Variants in TASP1 observed in about 807,000 individuals in gnomAD.
TASP1 encodes the protein taspase 1, also known as threonine aspartase 1.
Under a neutral mutation model 56.6 loss-of-function variants are expected in TASP1, and 16 were observed. The observed-to-expected ratio is 0.28, with a 90% CI of 0.19 to 0.43. The LOEUF is 0.43. TASP1 is among the 20% of genes least tolerant of loss of function. The pLI, the probability that TASP1 is intolerant of heterozygous loss-of-function variation, is 1.00. For synonymous variants in TASP1, 179 were observed against 184.2 expected (o/e 0.97, Z 0.23); for missense variants, 393 against 511.6 (o/e 0.77, Z 2.24).
chr20:13,365,170 AG>A, the TASP1 span, among the ~76,000 whole-genome samples: 1 of 152,196 alleles, frequency 6.6e-6, no homozygotes, highest in African/African-American at 2.4e-5. Context: ...TTCAAATTCA[AG>A]TTTCTTATTT....
At chr20:13,212,399 G>T in the TASP1 span, among the ~76,000 whole-genome samples, 1 of 152,144 alleles carries the variant, frequency 6.6e-6, no homozygotes, top group Admixed American at 6.6e-5. Context: ...GCTTTGGAGG[G>T]ATTGTTTGTT....
At chr20:13,188,342 G>C in the TASP1 span, among the ~76,000 whole-genome samples, 1 of 152,122 alleles carries the variant, frequency 6.6e-6, no homozygotes, top group Non-Finnish European at 1.5e-5. Flanking sequence ...ATTGAGTAAA[G>C]TTGCAGGATA....
At chr20:13,207,979 A>G in the TASP1 span, among the ~76,000 whole-genome samples, 1 of 148,248 alleles carries the variant, frequency 6.7e-6, no homozygotes, top group South Asian at 2.1e-4. Flanking sequence ...TCTTGAAGGG[A>G]AAAAAAAAAT....
chr20:13,381,276 A>G, the TASP1 span, among the ~76,000 whole-genome samples: 16 of 152,280 alleles, frequency 1.1e-4, no homozygotes, highest in South Asian at 3.1e-3. Context: ...TCTGAGCCAG[A>G]ATGCACCATC....
the TASP1 span, among the ~76,000 whole-genome samples, chr20:13,200,556 A>G: frequency 1.3e-5 from 2 of 152,350 alleles, no homozygotes; most frequent in South Asian, 4.1e-4. Flanking sequence ...GGAATGTGAT[A>G]TCTGTGGTTG....
intron 10 of TASP1, among the ~76,000 whole-genome samples, chr20:13,499,123 G>A (rs1274869489): frequency 6.6e-5 from 10 of 152,058 alleles, no homozygotes; most frequent in East Asian, 1.9e-4. Context: ...TGGAAAATAC[G>A]TAAATATAAA....
chr20:13,311,409 T>A, the TASP1 span, among the ~76,000 whole-genome samples: 4 of 152,166 alleles, frequency 2.6e-5, no homozygotes, highest in Non-Finnish European at 4.4e-5. Context: ...AGAACTACCA[T>A]GTAATCTAGC....
chr20:13,121,590 C>T, the TASP1 span, among the ~76,000 whole-genome samples: 61,959 of 151,870 alleles, frequency 0.41, 12,657 homozygotes, highest in Admixed American at 0.43. Flanking sequence ...CTCTAACCCA[C>T]CCTGAAGAAG....
At chr20:13,317,935 G>A in the TASP1 span, among the ~76,000 whole-genome samples, 5 of 151,532 alleles carry the variant, frequency 3.3e-5, no homozygotes, top group Admixed American at 6.6e-5. Context: ...AAAAAAAAGT[G>A]TTGGTAAGCT....
At chr20:13,287,237 G>A in the TASP1 span, among the ~76,000 whole-genome samples, 1 of 152,184 alleles carries the variant, frequency 6.6e-6, no homozygotes, top group Non-Finnish European at 1.5e-5. Context: ...CAATCATGGT[G>A]GAAGGCAAAG....
chr20:13,164,061 C>G, the TASP1 span, among the ~76,000 whole-genome samples: 4 of 152,112 alleles, frequency 2.6e-5, no homozygotes, highest in African/African-American at 7.2e-5. Flanking sequence ...CCACTCCCCC[C>G]ATCCCACAAC....
chr20:13,453,842 G>A (rs1259141719), intron 11 of TASP1, among the ~76,000 whole-genome samples: 1 of 152,012 alleles, frequency 6.6e-6, no homozygotes, highest in Non-Finnish European at 1.5e-5. Flanking sequence ...TCCCACGGAG[G>A]AAACAAACAA....
chr20:13,311,361 T>C, the TASP1 span, among the ~76,000 whole-genome samples: 7 of 152,168 alleles, frequency 4.6e-5, no homozygotes, highest in African/African-American at 1.7e-4. Context: ...ACAGCCATTA[T>C]GGGAAACAGC....
chr20:13,524,819 G>T (rs538502592), intron 10 of TASP1, among the ~76,000 whole-genome samples: 1 of 152,148 alleles, frequency 6.6e-6, no homozygotes, highest in East Asian at 1.9e-4. Flanking sequence ...CAAGCGGTTC[G>T]CATGTGTTGA....
At chr20:13,186,071 T>A in the TASP1 span, among the ~76,000 whole-genome samples, 3 of 152,216 alleles carry the variant, frequency 2.0e-5, 1 homozygote, top group Non-Finnish European at 1.5e-5. Flanking sequence ...CAAATAGTAA[T>A]TTTGGTGAAT....
the TASP1 span, chr20:13,288,676 C>A: frequency 6.2e-7 from 1 of 1,613,596 alleles, no homozygotes; most frequent in Non-Finnish European, 8.5e-7. Flanking sequence ...ACCGTCCAAA[C>A]TGCCCAGGTG....
the TASP1 span, among the ~76,000 whole-genome samples, chr20:13,112,120 T>C: frequency 7.2e-5 from 11 of 152,316 alleles, no homozygotes; most frequent in Admixed American, 2.6e-4. Context: ...CAATGATTTA[T>C]TATTTCCCAC....
intron 13 of TASP1, among the ~76,000 whole-genome samples, chr20:13,408,366 G>T (rs1381529875): frequency 6.6e-6 from 1 of 152,080 alleles, no homozygotes; most frequent in African/African-American, 2.4e-5. Context: ...CTTATTTGGT[G>T]TCCACGGGCA....
At chr20:13,235,331 A>C in the TASP1 span, among the ~76,000 whole-genome samples, 4 of 152,262 alleles carry the variant, frequency 2.6e-5, no homozygotes, top group Non-Finnish European at 5.9e-5. Context: ...CACAAGATCC[A>C]ACAGACTAGC....
Sources: allele counts gnomAD v4.1 joint callset (sites outside exome capture counted in the v4.1 genomes callset), GRCh38; gene constraint gnomAD v4.1.1; transcripts MANE v1.5; gene names NCBI Gene and HGNC (gene_info 2026-07-23, HGNC 2026-07-21).